RNGTT: variants seen among roughly 807,000 people sequenced by gnomAD.
RNGTT encodes the protein RNA guanylyltransferase and 5'-phosphatase.
In RNGTT, 33 loss-of-function variants were observed where a neutral mutation model predicts 79.3. That is an observed-to-expected ratio of 0.42 (90% CI 0.32 to 0.56). RNGTT has a LOEUF of 0.56. RNGTT is among the 20% of genes least tolerant of loss of function. RNGTT has a pLI of 0.17. For synonymous variants in RNGTT, 222 were observed against 235.9 expected (o/e 0.94, Z 0.54); for missense variants, 497 against 739.1 (o/e 0.67, Z 3.80).
At chr6:88,711,155 T>C (rs1355910656) in intron 13 of RNGTT, among the ~76,000 whole-genome samples, 1 of 152,200 alleles carries the variant, frequency 6.6e-6, no homozygotes, top group African/African-American at 2.4e-5. Context: ...AGCTTCACTT[T>C]TAAATTGTAG....
chr6:88,929,785 T>C (rs1784427249), intron 2 of RNGTT, among the ~76,000 whole-genome samples: 1 of 151,856 alleles, frequency 6.6e-6, no homozygotes, highest in Admixed American at 6.6e-5. Context: ...ACAATCCATT[T>C]ATATCATATA....
At chr6:88,905,283 A>T (rs1783615380) in intron 5 of RNGTT, among the ~76,000 whole-genome samples, 1 of 152,218 alleles carries the variant, frequency 6.6e-6, no homozygotes, top group Non-Finnish European at 1.5e-5. Context: ...CAAAAAAACA[A>T]CAATGTGAGC....
intron 1 of RNGTT, among the ~76,000 whole-genome samples, chr6:88,962,943 A>C (rs1445534318): frequency 6.6e-6 from 1 of 151,672 alleles, no homozygotes. Flanking sequence ...ACCCCATTTC[A>C]CCGCTGGGAA....
At chr6:88,651,595 A>C (rs1240051073) in intron 14 of RNGTT, among the ~76,000 whole-genome samples, 4 of 152,076 alleles carry the variant, frequency 2.6e-5, no homozygotes, top group African/African-American at 9.7e-5. Flanking sequence ...TAAAGTTATA[A>C]AATGCTGACA....
chr6:88,720,816 G>A (rs1189174979), intron 13 of RNGTT, among the ~76,000 whole-genome samples: 2 of 152,072 alleles, frequency 1.3e-5, no homozygotes, highest in Non-Finnish European at 2.9e-5. Flanking sequence ...CATTCATTAA[G>A]GGTTAAGGCA....
At chr6:88,720,407 C>A (rs1017576193) in intron 13 of RNGTT, among the ~76,000 whole-genome samples, 2 of 152,068 alleles carry the variant, frequency 1.3e-5, no homozygotes, top group African/African-American at 4.8e-5. Context: ...CACCTAAACA[C>A]ACACCACAAT....
chr6:88,937,254 A>G (rs140221950), intron 2 of RNGTT, among the ~76,000 whole-genome samples: 3,326 of 152,138 alleles, frequency 0.022, 121 homozygotes, highest in African/African-American at 0.076. Context: ...GCTGAAGTAG[A>G]AGAATCACTT....
At chr6:88,778,985 T>C (rs915659533) in intron 12 of RNGTT, among the ~76,000 whole-genome samples, 3 of 152,164 alleles carry the variant, frequency 2.0e-5, no homozygotes, top group African/African-American at 7.2e-5. Context: ...TAAATCTCTT[T>C]AGAAAGTTTT....
intron 6 of RNGTT, among the ~76,000 whole-genome samples, chr6:88,892,797 T>C (rs1783094889): frequency 6.6e-6 from 1 of 152,074 alleles, no homozygotes; most frequent in South Asian, 2.1e-4. Context: ...ACGTTCAACC[T>C]TCTGGCAAAG....
chr6:88,701,120 GAGA>G (rs1388737873), intron 13 of RNGTT, among the ~76,000 whole-genome samples: 5 of 151,944 alleles, frequency 3.3e-5, no homozygotes, highest in South Asian at 2.1e-4. Context: ...GAAGAAAGAA[GAGA>G]AGAAGAAGAA....
intron 1 of RNGTT, among the ~76,000 whole-genome samples, chr6:88,942,929 T>C (rs951650506): frequency 4.6e-5 from 7 of 152,138 alleles, no homozygotes; most frequent in Non-Finnish European, 1.0e-4. Context: ...TCCAGAATAC[T>C]ATTATATCCT....
chr6:88,884,860 C>T (rs929811264), intron 8 of RNGTT, among the ~76,000 whole-genome samples: 11 of 152,162 alleles, frequency 7.2e-5, no homozygotes, highest in African/African-American at 2.7e-4. Context: ...ATGGATTTCT[C>T]ACAGTGGCTT....
chr6:88,901,017 C>T (rs562326720), intron 6 of RNGTT, among the ~76,000 whole-genome samples: 125 of 151,814 alleles, frequency 8.2e-4, no homozygotes, highest in African/African-American at 2.8e-3. Flanking sequence ...TGGTGCACAC[C>T]TGTAATCCTA....
chr6:88,649,696 C>CAA (rs1279888726), intron 14 of RNGTT, among the ~76,000 whole-genome samples: 1 of 130,892 alleles, frequency 7.6e-6, no homozygotes, highest in Non-Finnish European at 1.7e-5. Flanking sequence ...GACTAAGTCT[C>CAA]AAAAAAAAAA....
chr6:88,708,226 C>T (rs116540564), intron 13 of RNGTT, among the ~76,000 whole-genome samples: 1,780 of 152,160 alleles, frequency 0.012, 30 homozygotes, highest in African/African-American at 0.04. Flanking sequence ...TTCCAATCTT[C>T]AAGGGCTCTC....
intron 8 of RNGTT, among the ~76,000 whole-genome samples, chr6:88,880,725 A>C (rs999007712): frequency 7.9e-5 from 12 of 152,190 alleles, no homozygotes; most frequent in Non-Finnish European, 2.9e-5. Context: ...TTGAAATTAA[A>C]TTTATAGTAC....
At chr6:88,946,725 C>T (rs1582163383) in intron 1 of RNGTT, among the ~76,000 whole-genome samples, 1 of 151,254 alleles carries the variant, frequency 6.6e-6, no homozygotes, top group African/African-American at 2.4e-5. Context: ...GACTGTACTG[C>T]TGCCATCTCG....
chr6:88,714,224 A>G (rs1426360138), intron 13 of RNGTT: 3 of 152,240 alleles, frequency 2.0e-5, no homozygotes, highest in African/African-American at 7.2e-5. Flanking sequence ...GTCATTATTG[A>G]AACTGACCTT....
At chr6:88,830,624 CAA>C (rs1201466217) in intron 11 of RNGTT, among the ~76,000 whole-genome samples, 1 of 150,928 alleles carries the variant, frequency 6.6e-6, no homozygotes, top group Non-Finnish European at 1.5e-5. Context: ...AAAAACCCTT[CAA>C]AAAAAGTCAG....
Sources: gnomAD v4.1 joint callset for allele counts (sites outside exome capture counted in the v4.1 genomes callset) on GRCh38, gnomAD v4.1.1 for gene constraint, MANE v1.5 for transcripts, NCBI Gene and HGNC (gene_info 2026-07-23, HGNC 2026-07-21) for gene names.